The following NAA40 variants were observed in gnomAD, a reference collection of about 807,000 sequenced individuals.
NAA40 encodes N-alpha-acetyltransferase 40.
NAA40 carries 26 observed loss-of-function variants against 36.6 expected under a neutral mutation model. The ratio of observed to expected loss-of-function variants is 0.71; its 90% CI spans 0.52 to 0.98. The LOEUF is 0.98. Among genes scored for constraint, NAA40 ranks in the 50% least tolerant of loss-of-function variants. The pLI is 0.00. For missense variants in NAA40, 237 were observed against 306.5 expected, an observed-to-expected ratio of 0.77 and a Z score of 1.69; for synonymous variants, 129 against 108.4, an observed-to-expected ratio of 1.19 and a Z score of -1.18.
At chr11:63,939,815 G>C (rs759604086) in intron 1 of NAA40, among the ~76,000 whole-genome samples, 9 of 152,110 alleles carry the variant, frequency 5.9e-5, no homozygotes, top group Non-Finnish European at 1.0e-4. Flanking sequence ...GCAGGTGTGC[G>C]GGGAAGATGC....
intron 1 of NAA40, chr11:63,939,451 A>C: frequency 9.3e-7 from 1 of 1,071,918 alleles, no homozygotes. Context: ...CCTGGCTGTC[A>C]CCAGCTTCGT....
chr11:63,945,435 A>T (rs1266298981), intron 1 of NAA40, among the ~76,000 whole-genome samples: 1 of 152,222 alleles, frequency 6.6e-6, no homozygotes, highest in East Asian at 1.9e-4. Flanking sequence ...ATCAACGGCT[A>T]CCTTAGATGC....
chr11:63,943,753 T>A (rs1358757355), intron 1 of NAA40, among the ~76,000 whole-genome samples: 1 of 151,854 alleles, frequency 6.6e-6, no homozygotes, highest in African/African-American at 2.4e-5. Context: ...AGCTCAGGAG[T>A]TTGAGACTAG....
chr11:63,952,355 G>A (rs1391605854), intron 4 of NAA40, 22 bp downstream of exon 4: 2 of 1,613,318 alleles, frequency 1.2e-6, no homozygotes, highest in Non-Finnish European at 1.7e-6. Flanking sequence ...CCAACCAGGG[G>A]AGCCTAGTTC....
Position 63,954,492 on chromosome 11 carries a change from A to G in NAA40, c.*13A>G. 2 of 1,585,350 alleles carry G rather than the reference A, an allele frequency of 1.3e-6. No homozygotes were observed. The highest frequency in any genetic ancestry group is 1.7e-6 in the Non-Finnish European group (2 of 1,167,344). ...CTGCTGCCACTGAACTCTCAGAGCCACTTTCAAGTCACAATGCTCTCTCCT... is the reference window on the plus strand; with the variant it reads ...CTGCTGCCACTGAACTCTCAGAGCCGCTTTCAAGTCACAATGCTCTCTCCT... On this transcript the variant is annotated 3_prime_UTR_variant, in exon 8 of 8. Transcript: ENST00000377793.
intron 5 of NAA40, 43 bp from the exon 6 acceptor site, chr11:63,952,713 A>AT (rs1565173659): frequency 6.2e-7 from 1 of 1,610,592 alleles, no homozygotes; most frequent in Non-Finnish European, 8.5e-7. Context: ...CAGCCTCTTC[A>AT]TGTCCCATCC....
intron 5 of NAA40, 26 bp from the exon 6 acceptor site, chr11:63,952,730 C>G: frequency 1.9e-6 from 3 of 1,613,576 alleles, no homozygotes; most frequent in Non-Finnish European, 2.5e-6. Flanking sequence ...ATCCTGCACG[C>G]TCACCTCTCT....
intron 3 of NAA40, among the ~76,000 whole-genome samples, chr11:63,951,712 G>T (rs1942281127): frequency 6.6e-6 from 1 of 152,156 alleles, no homozygotes; most frequent in Admixed American, 6.6e-5. Flanking sequence ...CCTGGGGCGG[G>T]GTGGGGCGTG....
At chr11:63,941,376 C>T (rs1450903328) in intron 1 of NAA40, among the ~76,000 whole-genome samples, 2 of 152,220 alleles carry the variant, frequency 1.3e-5, no homozygotes, top group Non-Finnish European at 2.9e-5. Flanking sequence ...CTAGTTGCCA[C>T]ATTTGTGTCA....
intron 1 of NAA40, among the ~76,000 whole-genome samples, chr11:63,939,801 C>T (rs1942077468): frequency 6.6e-6 from 1 of 152,036 alleles, no homozygotes; most frequent in South Asian, 2.1e-4. Context: ...AAGGGGAGGG[C>T]TGTGCAGGTG....
intron 1 of NAA40, chr11:63,939,324 C>T: frequency 8.0e-7 from 1 of 1,251,070 alleles, no homozygotes; most frequent in Non-Finnish European, 1.0e-6. Flanking sequence ...ACCCCCTCGG[C>T]GCCCCCAGCG....
intron 1 of NAA40, among the ~76,000 whole-genome samples, chr11:63,940,343 A>G (rs1305376076): frequency 6.6e-6 from 1 of 152,112 alleles, no homozygotes; most frequent in African/African-American, 2.4e-5. Flanking sequence ...GCCACCACAC[A>G]GGCCTATATT....
chr11:63,956,253 G>T lies in NAA40; in HGVS notation c.*1774G>T, dbSNP rs1942363907. The stretch of plus-strand genomic sequence containing the variant: ...CCAGGCAGAGTTGACATTGCTGGAG[G>T]GGTTTGGTGGACTCCTAAGAATCAT... On this transcript the variant is annotated 3_prime_UTR_variant, in exon 8 of 8. Transcript: ENST00000377793. The T allele has an allele frequency of 6.6e-6, 1 of 152,670 alleles. No individual in the cohort carries two copies. Among genetic ancestry groups the T allele is most frequent in the Non-Finnish European group, 1.5e-5 (1 of 68,048 alleles). 9.5% of individuals were successfully genotyped at this position (152,670 alleles called of 1,614,324 possible). A position where few individuals can be genotyped will look rare whatever the true frequency, so the allele number is the denominator to read the frequency against.
At chr11:63,948,565 A>G (rs1034591016) in intron 3 of NAA40, among the ~76,000 whole-genome samples, 2 of 151,906 alleles carry the variant, frequency 1.3e-5, no homozygotes, top group Admixed American at 6.6e-5. Flanking sequence ...AAAAATATAA[A>G]AAATTAGCCA....
intron 1 of NAA40, among the ~76,000 whole-genome samples, chr11:63,942,044 G>T: frequency 6.6e-6 from 1 of 152,190 alleles, no homozygotes; most frequent in East Asian, 1.9e-4. Flanking sequence ...TGACTTTAGG[G>T]TTCAAACGTG....
intron 1 of NAA40, among the ~76,000 whole-genome samples, chr11:63,945,090 C>T (rs920348841): frequency 2.0e-5 from 3 of 152,130 alleles, no homozygotes; most frequent in Admixed American, 6.5e-5. Context: ...ATTTGCCATT[C>T]GCTGCTCTAT....
intron 3 of NAA40, among the ~76,000 whole-genome samples, chr11:63,948,961 G>A (rs1397130119): frequency 6.6e-6 from 1 of 152,056 alleles, no homozygotes; most frequent in African/African-American, 2.4e-5. Context: ...TGGAAGGATC[G>A]TTTGTGCCCA....
At chr11:63,952,006 G>C in intron 3 of NAA40, 1 of 519,134 alleles carries the variant, frequency 1.9e-6, no homozygotes, top group South Asian at 3.2e-5. Flanking sequence ...TGGGGAGGCA[G>C]GAAACGGGCC....
chr11:63,957,274 T>C lies in NAA40; in HGVS notation c.*2795T>C, dbSNP rs1027143440. 2 of 151,694 alleles carry C rather than the reference T, an allele frequency of 1.3e-5. No homozygotes were observed. Among genetic ancestry groups the C allele is most frequent in the Admixed American group, 6.6e-5 (1 of 15,198 alleles). 9.4% of individuals were successfully genotyped at this position (151,694 alleles called of 1,614,324 possible). On this transcript the variant is annotated 3_prime_UTR_variant, in exon 8 of 8. Coordinates refer to ENST00000377793, the MANE Select transcript of NAA40 (RefSeq NM_024771.4). ...TCAAAGGGAAAAAGTGATCTCTTCT[T>C]GCATTGGTTGTATTTGTATGTCACA...
Sources: gnomAD v4.1 joint callset for allele counts (sites outside exome capture counted in the v4.1 genomes callset) on GRCh38, gnomAD v4.1.1 for gene constraint, MANE v1.5 for transcripts, NCBI Gene and HGNC (gene_info 2026-07-23, HGNC 2026-07-21) for gene names.